The following PPP2R3A variants were observed in gnomAD, a reference collection of about 807,000 sequenced individuals.
The protein encoded by PPP2R3A is protein phosphatase 2 regulatory subunit B''alpha.
In PPP2R3A, 80 loss-of-function variants were observed where a neutral mutation model predicts 106.9. That is an observed-to-expected ratio of 0.75 (90% CI 0.62 to 0.90). PPP2R3A has a LOEUF of 0.90. Ranked by LOEUF, PPP2R3A falls within the 40% of genes least tolerant of loss-of-function variation. The probability of loss-of-function intolerance (pLI) is 0.00; values close to 1 mark genes in which losing one functional copy is unlikely to be tolerated. For missense variants in PPP2R3A, 1,386 were observed against 1,350.4 expected (o/e 1.03, Z -0.41); for synonymous variants, 483 against 468.3 (o/e 1.03, Z -0.41).
At chr3:136,012,720 C>T (rs1934126126) in intron 2 of PPP2R3A, among the ~76,000 whole-genome samples, 1 of 152,104 alleles carries the variant, frequency 6.6e-6, no homozygotes, top group Admixed American at 6.5e-5. Context: ...TCAGTTGGCT[C>T]TCATAAGGCC....
intron 7 of PPP2R3A, chr3:136,079,198 A>T (rs1319614035): frequency 4.4e-6 from 2 of 454,740 alleles, no homozygotes; most frequent in African/African-American, 2.0e-5. Context: ...ATATACAAAC[A>T]TTTTTTTATT....
At chr3:136,020,539 C>T (rs534435414) in intron 2 of PPP2R3A, among the ~76,000 whole-genome samples, 19 of 152,092 alleles carry the variant, frequency 1.2e-4, no homozygotes, top group African/African-American at 4.6e-4. Flanking sequence ...CCTAATTTTA[C>T]AGCAAAATCT....
chr3:136,058,782 C>G (rs1218320861), intron 5 of PPP2R3A, among the ~76,000 whole-genome samples: 3 of 152,104 alleles, frequency 2.0e-5, no homozygotes. Flanking sequence ...CAGTGTGGTA[C>G]CAGTACAAAA....
At chr3:136,021,731 T>C (rs1934473733) in intron 2 of PPP2R3A, among the ~76,000 whole-genome samples, 1 of 152,162 alleles carries the variant, frequency 6.6e-6, no homozygotes, top group African/African-American at 2.4e-5. Context: ...GCCCTCTGTA[T>C]CAATGTGTTC....
At chr3:136,141,369 A>G (rs905057198) in intron 13 of PPP2R3A, among the ~76,000 whole-genome samples, 1 of 152,226 alleles carries the variant, frequency 6.6e-6, no homozygotes, top group Middle Eastern at 3.2e-3. Flanking sequence ...TGGCCAGAAT[A>G]TAGTGAGCAA....
At chr3:136,098,532 A>G (rs1298022731) in intron 10 of PPP2R3A, among the ~76,000 whole-genome samples, 1 of 152,184 alleles carries the variant, frequency 6.6e-6, no homozygotes, top group Non-Finnish European at 1.5e-5. Flanking sequence ...TCAGGCCTAC[A>G]AGTGGGAATT....
intron 1 of PPP2R3A, among the ~76,000 whole-genome samples, chr3:135,973,177 T>G (rs1484155797): frequency 6.6e-6 from 1 of 152,232 alleles, no homozygotes; most frequent in African/African-American, 2.4e-5. Context: ...CAGCATAATT[T>G]GTTGAAAGAG....
chr3:136,127,442 G>T (rs971843120), intron 13 of PPP2R3A, among the ~76,000 whole-genome samples: 5 of 152,130 alleles, frequency 3.3e-5, no homozygotes, highest in Non-Finnish European at 1.5e-5. Context: ...ATGAAATGAA[G>T]TGAGAAGACA....
chr3:136,119,358 A>G (rs1937903974), intron 13 of PPP2R3A, among the ~76,000 whole-genome samples: 1 of 152,252 alleles, frequency 6.6e-6, no homozygotes, highest in African/African-American at 2.4e-5. Context: ...ACAAAAGCCA[A>G]AATTGACAAA....
chr3:136,092,813 A>T (rs1937125547), intron 10 of PPP2R3A, among the ~76,000 whole-genome samples: 1 of 152,238 alleles, frequency 6.6e-6, no homozygotes, highest in Non-Finnish European at 1.5e-5. Context: ...GTGCCGGAAC[A>T]ACTGGATATC....
intron 10 of PPP2R3A, among the ~76,000 whole-genome samples, chr3:136,091,932 T>C (rs1937101864): frequency 1.3e-5 from 2 of 152,200 alleles, no homozygotes; most frequent in South Asian, 2.1e-4. Context: ...TTGAACTGTT[T>C]GTTACACTTA....
intron 2 of PPP2R3A, chr3:136,023,067 A>C: frequency 6.2e-7 from 1 of 1,612,932 alleles, no homozygotes; most frequent in Non-Finnish European, 8.5e-7. Context: ...TTACTTTTCA[A>C]AGATGATGAT....
chr3:136,077,981 G>T (rs867841534), intron 6 of PPP2R3A, among the ~76,000 whole-genome samples: 37 of 152,198 alleles, frequency 2.4e-4, no homozygotes, highest in Non-Finnish European at 2.4e-4. Flanking sequence ...CCACCCTTCT[G>T]ACCAGTTAAT....
chr3:136,061,788 C>T (rs555130953), intron 5 of PPP2R3A, among the ~76,000 whole-genome samples: 144 of 151,788 alleles, frequency 9.5e-4, no homozygotes, highest in Middle Eastern at 6.8e-3. Flanking sequence ...GGCGTGGTGG[C>T]GGGTGCCTAT....
chr3:135,991,160 C>A (rs1933144740), intron 1 of PPP2R3A, among the ~76,000 whole-genome samples: 1 of 152,116 alleles, frequency 6.6e-6, no homozygotes, highest in Non-Finnish European at 1.5e-5. Flanking sequence ...ACTGTCCTGC[C>A]CGCTCAGACT....
intron 5 of PPP2R3A, among the ~76,000 whole-genome samples, chr3:136,060,573 A>C (rs1936042415): frequency 1.3e-5 from 2 of 152,174 alleles, no homozygotes; most frequent in South Asian, 4.2e-4. Flanking sequence ...CCTGCTTGCT[A>C]TGTGAAGATA....
chr3:135,973,847 T>G lies in PPP2R3A; in HGVS notation c.-441+7998T>G, dbSNP rs1300949516. On this transcript the variant is annotated intron_variant, in intron 1 of 13. Coordinates refer to ENST00000264977, the MANE Select transcript of PPP2R3A (RefSeq NM_002718.5). ...ACCGGAGATATAGTGCCTTTTAATA[T>G]AAGACCAAACTCTCTTGACTTTGCA... 2.6e-5 allele frequency among the ~76,000 whole-genome samples: 4 copies of G among 152,188 alleles called. No individual in the cohort carries two copies. In the East Asian group the frequency reaches 7.7e-4, roughly 29 times the overall value.
intron 13 of PPP2R3A, among the ~76,000 whole-genome samples, chr3:136,109,565 T>C (rs1937564730): frequency 6.6e-6 from 1 of 152,130 alleles, no homozygotes; most frequent in East Asian, 1.9e-4. Flanking sequence ...TCCCTTAAGA[T>C]AGATAAAAAT....
intron 4 of PPP2R3A, among the ~76,000 whole-genome samples, chr3:136,047,924 G>C (rs1307245451): frequency 6.6e-6 from 1 of 151,666 alleles, no homozygotes; most frequent in East Asian, 1.9e-4. Context: ...AAAAAGATGA[G>C]AACAGTAGAC....
Sources: allele counts gnomAD v4.1 joint callset (sites outside exome capture counted in the v4.1 genomes callset), GRCh38; gene constraint gnomAD v4.1.1; transcripts MANE v1.5; gene names NCBI Gene and HGNC (gene_info 2026-07-23, HGNC 2026-07-21).